Variants in KCNIP4 observed in about 807,000 individuals in gnomAD.
KCNIP4 encodes the protein Kv channel-interacting protein 4.
A neutral mutation model predicts 34.0 loss-of-function variants in KCNIP4; 12 were observed. The ratio of observed to expected loss-of-function variants is 0.35; its 90% confidence interval spans 0.23 to 0.57. The LOEUF (loss-of-function observed/expected upper bound fraction) is 0.57, where lower values mean the gene tolerates loss of function less well. Among genes scored for constraint, KCNIP4 ranks in the 20% least tolerant of loss-of-function variants. The probability of loss-of-function intolerance (pLI) is 0.83; values close to 1 mark genes in which losing one functional copy is unlikely to be tolerated. For missense variants in KCNIP4, 238 were observed against 311.7 expected (o/e 0.76, Z 1.78); for synonymous variants, 124 against 102.2 (o/e 1.21, Z -1.29).
chr4:21,813,053 T>C (rs1721758919), intron 1 of KCNIP4, among the ~76,000 whole-genome samples: 1 of 152,158 alleles, frequency 6.6e-6, no homozygotes, highest in Admixed American at 6.6e-5. Flanking sequence ...TCTAATGGCT[T>C]CTAACTTTTC....
chr4:21,884,356 A>ACTAGATTTTCAGACGGAATAATTAAGAG (rs1726637913), intron 1 of KCNIP4, among the ~76,000 whole-genome samples: 1 of 152,032 alleles, frequency 6.6e-6, no homozygotes, highest in Non-Finnish European at 1.5e-5. Flanking sequence ...CAACCTCAGG[A>ACTAGATTTTCAGACGGAATAATTAAGAG]GGAGCACTTC....
chr4:21,350,522 G>C (rs1375383793), intron 1 of KCNIP4, among the ~76,000 whole-genome samples: 1 of 152,140 alleles, frequency 6.6e-6, no homozygotes, highest in Non-Finnish European at 1.5e-5. Context: ...AGTATGAATG[G>C]TGAATGTAAT....
At chr4:21,129,109 G>A (rs774348481) in intron 1 of KCNIP4, among the ~76,000 whole-genome samples, 30 of 152,170 alleles carry the variant, frequency 2.0e-4, no homozygotes, top group Non-Finnish European at 3.2e-4. Context: ...TGTTCTCGTG[G>A]TAGTGAATAA....
chr4:20,825,745 T>G (rs1392583572), intron 3 of KCNIP4, among the ~76,000 whole-genome samples: 1 of 152,168 alleles, frequency 6.6e-6, no homozygotes, highest in Non-Finnish European at 1.5e-5. Flanking sequence ...GGTGTGCTCT[T>G]CTTAGGAGAA....
intron 2 of KCNIP4, among the ~76,000 whole-genome samples, chr4:20,872,762 C>G (rs1433497641): frequency 1.3e-5 from 2 of 151,940 alleles, no homozygotes; most frequent in African/African-American, 4.8e-5. Flanking sequence ...CATTCTGGCC[C>G]AAATTAACAG....
At chr4:21,765,930 A>C (rs1199177365) in intron 1 of KCNIP4, among the ~76,000 whole-genome samples, 1 of 152,048 alleles carries the variant, frequency 6.6e-6, no homozygotes, top group Non-Finnish European at 1.5e-5. Context: ...GAAAAGGCAT[A>C]CAGTAAACTA....
chr4:20,918,804 C>T (rs530987601), intron 1 of KCNIP4, among the ~76,000 whole-genome samples: 1 of 152,156 alleles, frequency 6.6e-6, no homozygotes, highest in Non-Finnish European at 1.5e-5. Context: ...ATAACTGAGT[C>T]CAGACTCAAT....
intron 1 of KCNIP4, among the ~76,000 whole-genome samples, chr4:21,730,835 G>A (rs1715536822): frequency 6.6e-6 from 1 of 152,086 alleles, no homozygotes; most frequent in African/African-American, 2.4e-5. Flanking sequence ...ATTCTAGGCT[G>A]GGCGCAGTGG....
intron 1 of KCNIP4, among the ~76,000 whole-genome samples, chr4:21,025,710 C>T (rs200230974): frequency 1.7e-4 from 26 of 151,714 alleles, no homozygotes; most frequent in African/African-American, 3.4e-4. Context: ...CCCACCACCA[C>T]GCCCGGCTAA....
chr4:20,734,290 G>T (rs1220878712), intron 6 of KCNIP4, among the ~76,000 whole-genome samples: 1 of 152,136 alleles, frequency 6.6e-6, no homozygotes, highest in African/African-American at 2.4e-5. Flanking sequence ...ATCACATGCT[G>T]TGGGGAAAAG....
chr4:20,805,186 CTTTTTTTTTTT>C (rs10552321), intron 3 of KCNIP4, among the ~76,000 whole-genome samples: 12 of 92,078 alleles, frequency 1.3e-4, no homozygotes, highest in South Asian at 3.8e-4. Context: ...TAGATGCTTC[CTTTTTTTTTTT>C]TTTTTTTTTT....
At chr4:20,885,487 C>A (rs934365341) in intron 1 of KCNIP4, among the ~76,000 whole-genome samples, 19 of 151,394 alleles carry the variant, frequency 1.3e-4, no homozygotes, top group East Asian at 1.9e-4. Context: ...TGCACCCCAA[C>A]CAATCAGCAG....
At chr4:21,430,272 C>T (rs911060099) in intron 1 of KCNIP4, among the ~76,000 whole-genome samples, 7 of 152,014 alleles carry the variant, frequency 4.6e-5, no homozygotes, top group Admixed American at 2.0e-4. Context: ...GTATTTTAAT[C>T]ATTGCCACAA....
intron 1 of KCNIP4, among the ~76,000 whole-genome samples, chr4:21,197,932 C>T (rs950229405): frequency 6.6e-6 from 1 of 152,002 alleles, no homozygotes; most frequent in African/African-American, 2.4e-5. Flanking sequence ...AAATATATTG[C>T]CAAAATCTTA....
At chr4:21,719,995 GAAAAGA>G (rs1322571248) in intron 1 of KCNIP4, among the ~76,000 whole-genome samples, 1 of 81,854 alleles carries the variant, frequency 1.2e-5, no homozygotes, top group South Asian at 5.1e-4. Context: ...AGAGGAAGAA[GAAAAGA>G]AAAAGAAGAA....
intron 1 of KCNIP4, among the ~76,000 whole-genome samples, chr4:21,670,807 A>ACC (rs1749431284): frequency 1.3e-5 from 2 of 151,828 alleles, no homozygotes; most frequent in African/African-American, 4.8e-5. Context: ...AGGTGCCTGC[A>ACC]ACCACGCCCG....
intron 1 of KCNIP4, among the ~76,000 whole-genome samples, chr4:21,320,099 T>C (rs1004789499): frequency 6.6e-6 from 1 of 152,204 alleles, no homozygotes; most frequent in African/African-American, 2.4e-5. Flanking sequence ...ATTTCTACAG[T>C]TAACCTTATT....
chr4:20,804,351 A>G (rs991307295), intron 3 of KCNIP4, among the ~76,000 whole-genome samples: 1 of 152,196 alleles, frequency 6.6e-6, no homozygotes, highest in Non-Finnish European at 1.5e-5. Flanking sequence ...AAATAAGTAA[A>G]AATATTAATG....
chr4:20,877,671 G>C lies in KCNIP4; in HGVS notation c.163+4937C>G, dbSNP rs542435678. ...TGACTATTTCTTTAAAAACCATGTA[G>C]TCCAACTGGCTCTCCTGGGTGCCAA... On this transcript the variant is annotated intron_variant, in intron 2 of 8. Transcript: ENST00000382152. Among the ~76,000 whole-genome samples, 4 of 152,212 alleles carry C rather than the reference G, an allele frequency of 2.6e-5. 1 individual carries two copies. Among genetic ancestry groups the C allele is most frequent in the Admixed American group, 2.6e-4 (4 of 15,276 alleles).
Sources: gnomAD v4.1 joint callset for allele counts (sites outside exome capture counted in the v4.1 genomes callset) on GRCh38, gnomAD v4.1.1 for gene constraint, MANE v1.5 for transcripts, NCBI Gene and HGNC (gene_info 2026-07-23, HGNC 2026-07-21) for gene names.